The following ATP2C2 variants were observed in gnomAD, a reference collection of about 807,000 sequenced individuals.
ATP2C2 encodes the protein calcium-transporting ATPase type 2C member 2.
A neutral mutation model predicts 110.8 loss-of-function variants in ATP2C2; 171 were observed. The ratio of observed to expected loss-of-function variants is 1.54; its 90% CI spans 1.36 to 1.75. The LOEUF (loss-of-function observed/expected upper bound fraction) is 1.75, where lower values mean the gene tolerates loss of function less well. ATP2C2 is among the 40% of genes most tolerant of loss of function. The pLI is 0.00. For missense variants in ATP2C2, 1,963 were observed against 1,235.0 expected (o/e 1.59, Z -8.84); for synonymous variants, 804 against 508.4 (o/e 1.58, Z -7.82).
chr16:84,399,051 G>T (rs1006689003), intron 2 of ATP2C2, among the ~76,000 whole-genome samples: 3 of 152,184 alleles, frequency 2.0e-5, no homozygotes, highest in African/African-American at 4.8e-5. Context: ...GAGTTGCCAG[G>T]TACTAAAACC....
At chr16:84,436,548 CA>C (rs1200859333) in intron 11 of ATP2C2, among the ~76,000 whole-genome samples, 3 of 152,166 alleles carry the variant, frequency 2.0e-5, no homozygotes, top group African/African-American at 7.2e-5. Context: ...TCTCAGATAA[CA>C]GAAACTCCTC....
At chr16:84,417,219 G>A (rs1392630005) in intron 7 of ATP2C2, among the ~76,000 whole-genome samples, 1 of 152,186 alleles carries the variant, frequency 6.6e-6, no homozygotes, top group African/African-American at 2.4e-5. Context: ...TCAGAACGGT[G>A]CCTGGCACAG....
intron 1 of ATP2C2, among the ~76,000 whole-genome samples, chr16:84,371,494 G>T (rs1244372586): frequency 6.6e-6 from 1 of 152,220 alleles, no homozygotes; most frequent in Non-Finnish European, 1.5e-5. Flanking sequence ...AACAGAGTGA[G>T]ACCCTGTCTC....
At chr16:84,440,049 G>T (rs1029085157) in intron 13 of ATP2C2, among the ~76,000 whole-genome samples, 7 of 152,242 alleles carry the variant, frequency 4.6e-5, no homozygotes, top group African/African-American at 1.7e-4. Context: ...TGTTGGCCAG[G>T]CTGGTCTCAA....
At chr16:84,435,197 C>T (rs1344633730) in intron 11 of ATP2C2, among the ~76,000 whole-genome samples, 4 of 152,212 alleles carry the variant, frequency 2.6e-5, no homozygotes, top group Non-Finnish European at 4.4e-5. Flanking sequence ...CATTCTTTTT[C>T]ACATTTCAAC....
intron 1 of ATP2C2, among the ~76,000 whole-genome samples, chr16:84,389,719 C>CT (rs1157240156): frequency 3.8e-5 from 4 of 104,834 alleles, no homozygotes; most frequent in Non-Finnish European, 7.9e-5. Context: ...CTCACTGTTT[C>CT]CTTTTTTTTT....
rs372770743 is a variant in ATP2C2, at chr16:84,451,919, A to T, written c.1661-2A>T. 2.1e-4 allele frequency: 340 copies of T among 1,612,392 alleles called. No individual in the cohort carries two copies. Among genetic ancestry groups the T allele is most frequent in the Non-Finnish European group, 2.5e-4 (293 of 1,179,536 alleles). ...CCCTCCTTACTCCCCCTCTCTCCTC[A>T]GTGCTGGCCCTGGCTTCTGGGCCCG... On this transcript the variant is annotated splice_acceptor_variant, in intron 17 of 26. Coordinates refer to ENST00000262429, the MANE Select transcript of ATP2C2 (RefSeq NM_014861.4). LOFTEE classifies it high-confidence loss of function.
At position 84,455,768 on chromosome 16, in the gene ATP2C2, C is replaced by T. The variant is rs150792807; in HGVS notation, c.2147+784C>T. Among the ~76,000 whole-genome samples, 678 of 148,218 alleles carry T rather than the reference C, an allele frequency of 4.6e-3. 7 individuals carry two copies. Among genetic ancestry groups the T allele is most frequent in the African/African-American group, 0.015 (602 of 40,062 alleles). The stretch of plus-strand genomic sequence containing the variant: ...CACACTTAGAAAAAAAAAAAAAAGT[C>T]ATAGATAGCTCTTATTATTTTGAAA... On this transcript the variant is annotated intron_variant, in intron 21 of 26. Coordinates refer to ENST00000262429, the MANE Select transcript of ATP2C2 (RefSeq NM_014861.4).
chr16:84,421,438 G>C (rs576769845), intron 7 of ATP2C2, among the ~76,000 whole-genome samples: 1 of 152,322 alleles, frequency 6.6e-6, no homozygotes, highest in Admixed American at 6.5e-5. Flanking sequence ...TTATAGAGAA[G>C]TCGCAGGTCC....
intron 10 of ATP2C2, among the ~76,000 whole-genome samples, chr16:84,424,130 G>C (rs556830017): frequency 2.0e-5 from 3 of 152,224 alleles, no homozygotes; most frequent in Non-Finnish European, 4.4e-5. Context: ...AGCACATCTA[G>C]TGATGAGGGG....
chr16:84,448,703 G>A lies in ATP2C2; in HGVS notation c.1660+14G>A, dbSNP rs746715525. Reference sequence around the variant, plus strand: ...TCGGTTTGCGGGGTCAGTGCCTGTGGTCCCGGCCCAGAGCTTTAAGCTTGC... The same window carrying A: ...TCGGTTTGCGGGGTCAGTGCCTGTGATCCCGGCCCAGAGCTTTAAGCTTGC... On this transcript the variant is annotated intron_variant, in intron 17 of 26. Coordinates refer to ENST00000262429, the MANE Select transcript of ATP2C2 (RefSeq NM_014861.4). 3.7e-6 allele frequency: 6 copies of A among 1,605,356 alleles called. No homozygotes were observed. Among genetic ancestry groups the A allele is most frequent in the Non-Finnish European group, 5.1e-6 (6 of 1,175,078 alleles).
intron 2 of ATP2C2, among the ~76,000 whole-genome samples, chr16:84,400,519 G>T (rs900442276): frequency 1.3e-5 from 2 of 152,002 alleles, no homozygotes; most frequent in Non-Finnish European, 2.9e-5. Flanking sequence ...AGTAGAGACG[G>T]GGTTTCACCG....
In ATP2C2 at chr16:84,459,186, C is replaced by A. The variant is rs563554624; in HGVS notation, c.2214C>A (p.Ser738Arg). ...AAAACTTTGTCCGATTCCAGCTGAGCACGTAAGTAGAGGCCAGCATTCCGA... is the reference window on the plus strand; with the variant it reads ...AAAACTTTGTCCGATTCCAGCTGAGAACGTAAGTAGAGGCCAGCATTCCGA... ...NIKNFVRFQLSTSISALSLIT... is the reference protein window; with the variant it reads ...NIKNFVRFQLRTSISALSLIT... Residue 738 changes from serine (S) to arginine (R), a missense_variant and splice_region_variant, in exon 22 of 27, where the codon AGC becomes AGA. By Grantham distance (110) the Ser-to-Arg change is moderately radical (BLOSUM62 -1). Coordinates refer to ENST00000262429, the MANE Select transcript of ATP2C2 (RefSeq NM_014861.4). The A allele has an allele frequency of 6.2e-7, 1 of 1,614,204 alleles. No individual in the cohort carries two copies. Among genetic ancestry groups the A allele is most frequent in the African/African-American group, 1.3e-5 (1 of 75,054 alleles).
At chr16:84,426,023 C>G (rs1368840318) in intron 11 of ATP2C2, 1 of 566,096 alleles carries the variant, frequency 1.8e-6, no homozygotes, top group African/African-American at 1.9e-5. Flanking sequence ...CAGGGTGTCC[C>G]TTTTGTATTA....
chr16:84,430,011 C>G (rs1461856999), intron 11 of ATP2C2, among the ~76,000 whole-genome samples: 2 of 152,108 alleles, frequency 1.3e-5, no homozygotes, highest in African/African-American at 4.8e-5. Flanking sequence ...CCTCCTCTGT[C>G]TCTGCGTCTC....
intron 17 of ATP2C2, 33 bp downstream of exon 17, chr16:84,448,722 A>G (rs1408099535): frequency 3.8e-6 from 6 of 1,587,322 alleles, no homozygotes; most frequent in Non-Finnish European, 4.3e-6. Flanking sequence ...CAGAGCTTTA[A>G]GCTTGCATGT....
chr16:84,384,437 T>C (rs1013076914), intron 1 of ATP2C2, among the ~76,000 whole-genome samples: 2 of 152,274 alleles, frequency 1.3e-5, no homozygotes, highest in Non-Finnish European at 1.5e-5. Context: ...CACGATACTG[T>C]GTCCTCCTTA....
At chr16:84,447,290 A>T (rs559219032) in intron 16 of ATP2C2, among the ~76,000 whole-genome samples, 63 of 152,292 alleles carry the variant, frequency 4.1e-4, no homozygotes, top group Admixed American at 2.2e-3. Context: ...GGGGCTTAGA[A>T]GGGATTATAG....
chr16:84,376,744 C>T (rs1011435511), intron 1 of ATP2C2, among the ~76,000 whole-genome samples: 2 of 152,186 alleles, frequency 1.3e-5, no homozygotes, highest in African/African-American at 4.8e-5. Context: ...CACATCATCC[C>T]ATGGGGCTAA....
Sources: gnomAD v4.1 joint callset for allele counts (sites outside exome capture counted in the v4.1 genomes callset) on GRCh38, gnomAD v4.1.1 for gene constraint, MANE v1.5 for transcripts, NCBI Gene and HGNC (gene_info 2026-07-23, HGNC 2026-07-21) for gene names.